ASXL1: variants seen among roughly 807,000 people sequenced by gnomAD.
The protein encoded by ASXL1 is ASXL transcriptional regulator 1.
A neutral mutation model predicts 89.1 loss-of-function variants in ASXL1; 65 were observed. That is an observed-to-expected ratio of 0.73 (90% confidence interval 0.60 to 0.90). The LOEUF (loss-of-function observed/expected upper bound fraction) is 0.90. ASXL1 is among the 40% of genes least tolerant of loss of function. The pLI, the probability that ASXL1 is intolerant of heterozygous loss-of-function variation, is 0.00. For missense variants in ASXL1, 1,786 were observed against 1,942.9 expected (o/e 0.92, Z 1.52); for synonymous variants, 739 against 746.9 (o/e 0.99, Z 0.17).
intron 12 of ASXL1, chr20:32,434,155 A>C: frequency 1.4e-6 from 1 of 727,994 alleles, no homozygotes; most frequent in South Asian, 1.9e-5. Flanking sequence ...GGGTTTTAAA[A>C]TCTTTTTAAG....
intron 4 of ASXL1, among the ~76,000 whole-genome samples, chr20:32,389,675 T>TA (rs1307711249): frequency 9.2e-5 from 14 of 152,172 alleles, no homozygotes; most frequent in African/African-American, 2.7e-4. Flanking sequence ...AACCTTTACT[T>TA]ACTGGGTTCA....
chr20:32,383,898 C>T (rs1940587481), intron 4 of ASXL1, among the ~76,000 whole-genome samples: 1 of 152,226 alleles, frequency 6.6e-6, no homozygotes, highest in Non-Finnish European at 1.5e-5. Context: ...CCATCACTGT[C>T]TGACATCCTG....
intron 1 of ASXL1, among the ~76,000 whole-genome samples, chr20:32,364,734 G>T (rs770213233): frequency 3.3e-5 from 5 of 152,194 alleles, no homozygotes; most frequent in Non-Finnish European, 7.3e-5. Flanking sequence ...GATGAGGGCA[G>T]GTTTGCTTTG....
chr20:32,377,753 A>G (rs946285099), intron 4 of ASXL1, among the ~76,000 whole-genome samples: 4 of 150,678 alleles, frequency 2.7e-5, no homozygotes, highest in East Asian at 3.9e-4. Context: ...CCCAGGTCCA[A>G]GCGATTCTCT....
chr20:32,372,286 T>G, intron 4 of ASXL1: 1 of 1,237,942 alleles, frequency 8.1e-7, no homozygotes, highest in Non-Finnish European at 1.0e-6. Flanking sequence ...GTCTGAGATG[T>G]GCTAATTGAA....
chr20:32,431,395 C>T lies in ASXL1; in HGVS notation c.793C>T (p.Arg265Cys), dbSNP rs767144159. ...GTCCATTCTTGTCAACACCAACCTCCGTGCCCTGATCAACTCTCGGACCTT... is the reference window on the plus strand; with the variant it reads ...GTCCATTCTTGTCAACACCAACCTCTGTGCCCTGATCAACTCTCGGACCTT... The part of the protein sequence containing the change: ...PGSILVNTNL[R>C]ALINSRTFHA... Residue 265 changes from arginine to cysteine, a missense_variant, in exon 9 of 13, where the codon CGT becomes TGT. Around this residue, in one of 3 missense-constraint regions of ASXL1, gnomAD observed 332 missense variants for 449.7 expected, o/e 0.74. Coordinates refer to ENST00000375687, the MANE Select transcript of ASXL1 (RefSeq NM_015338.6). 2.5e-6 allele frequency: 4 copies of T among 1,614,208 alleles called. No individual in the cohort carries two copies. Among genetic ancestry groups the T allele is most frequent in the South Asian group, 1.1e-5 (1 of 91,082 alleles).
rs1449673135 is a variant in ASXL1 at position 32,429,586 on chromosome 20, T to G, written c.565+155T>G. The G allele has an allele frequency of 1.2e-6, 1 of 845,530 alleles. No individual in the cohort carries two copies. Among genetic ancestry groups the G allele is most frequent in the African/African-American group, 1.7e-5 (1 of 59,380 alleles). The allele number at this position is 845,530 out of a possible 1,614,324, so 52.4% of individuals were successfully genotyped here. A position where few individuals can be genotyped will look rare whatever the true frequency, so the allele number is the denominator to read the frequency against. ...AATGGATGAGGCCTGCCATAGGTTC[T>G]AGTGCTGGGCTCTGCTGTGTGCCTT... On this transcript the variant is annotated intron_variant, in intron 7 of 12. Transcript: ENST00000375687. The surrounding 1 kb of genome is among the most constrained non-coding windows in gnomAD (Gnocchi z 4.9).
Position 32,429,463 on chromosome 20 carries a change from TC to T in ASXL1, c.565+34del. On this transcript the variant is annotated intron_variant, in intron 7 of 12. Coordinates refer to ENST00000375687, the MANE Select transcript of ASXL1 (RefSeq NM_015338.6). This position sits in a 1 kb window ranked among gnomAD's most constrained non-coding sequence, Gnocchi z 4.9. ...GTAAACTCATGGTTGTGATGCTTTT[TC>T]CTCAGGTCCTGGGGACCTGGCCTCC... 1 of 1,604,068 alleles carries T rather than the reference TC, an allele frequency of 6.2e-7. No homozygotes were observed. The highest frequency in any genetic ancestry group is 8.5e-7 in the Non-Finnish European group (1 of 1,170,984).
intron 2 of ASXL1, 87 bp from the exon 3 acceptor site, chr20:32,367,640 T>G (rs1218642748): frequency 1.3e-6 from 1 of 775,424 alleles, no homozygotes; most frequent in Admixed American, 1.7e-5. Flanking sequence ...CACTGTGTAG[T>G]GTTATAATTG....
chr20:32,404,550 G>T (rs1297295851), intron 4 of ASXL1, among the ~76,000 whole-genome samples: 1 of 151,960 alleles, frequency 6.6e-6, no homozygotes, highest in Admixed American at 6.6e-5. Context: ...AGAATCTTTG[G>T]GATTTTCTCT....
chr20:32,388,422 C>T (rs974798116), intron 4 of ASXL1, among the ~76,000 whole-genome samples: 6 of 152,110 alleles, frequency 3.9e-5, no homozygotes, highest in Admixed American at 6.5e-5. Context: ...GTCATCTGCC[C>T]GCCTCAGCCT....
chr20:32,372,885 G>T (rs139955618), intron 4 of ASXL1, among the ~76,000 whole-genome samples: 1 of 150,664 alleles, frequency 6.6e-6, no homozygotes, highest in African/African-American at 2.4e-5. Flanking sequence ...GAGCCACCGC[G>T]CCCAGCCTTC....
rs2011434318 is a variant in ASXL1 at position 32,429,043 on chromosome 20, G to A, written c.472-295G>A. On this transcript the variant is annotated intron_variant, in intron 6 of 12. Coordinates refer to ENST00000375687, the MANE Select transcript of ASXL1 (RefSeq NM_015338.6). The surrounding 1 kb of genome is among the most constrained non-coding windows in gnomAD (Gnocchi z 4.9). The stretch of plus-strand genomic sequence containing the variant: ...GCAGAGTAGAGAGAACAGGAGATTG[G>A]GAGTGAGCAGTTTGAATGATAACCC... 4.8e-6 allele frequency: 2 copies of A among 418,278 alleles called. No homozygotes were observed. The highest frequency in any genetic ancestry group is 4.2e-5 in the South Asian group (2 of 47,932). The allele number at this position is 418,278 out of a possible 1,614,324, so 25.9% of individuals were successfully genotyped here.
At chr20:32,395,352 T>A (rs1328880151) in intron 4 of ASXL1, among the ~76,000 whole-genome samples, 1 of 152,224 alleles carries the variant, frequency 6.6e-6, no homozygotes, top group Non-Finnish European at 1.5e-5. Context: ...CTTGCATTAT[T>A]TCTCCTGTAA....
chr20:32,405,928 G>T (rs1047501643), intron 4 of ASXL1, among the ~76,000 whole-genome samples: 4 of 151,388 alleles, frequency 2.6e-5, no homozygotes, highest in Non-Finnish European at 5.9e-5. Flanking sequence ...TTTGAGATGG[G>T]GTTTTGCTCC....
At chr20:32,412,977 T>C (rs576963833) in intron 4 of ASXL1, among the ~76,000 whole-genome samples, 1 of 152,320 alleles carries the variant, frequency 6.6e-6, no homozygotes, top group Admixed American at 6.5e-5. Flanking sequence ...GTAGTATTTG[T>C]AGTTGCAGAA....
chr20:32,398,693 T>C (rs2048814281), intron 4 of ASXL1, among the ~76,000 whole-genome samples: 2 of 146,482 alleles, frequency 1.4e-5, no homozygotes, highest in Non-Finnish European at 3.0e-5. Flanking sequence ...CACTGCAAGC[T>C]CCACCTGCCG....
chr20:32,426,554 C>CTTTTT (rs1177815042), intron 4 of ASXL1, among the ~76,000 whole-genome samples: 47 of 83,948 alleles, frequency 5.6e-4, no homozygotes, highest in African/African-American at 2.0e-3. Flanking sequence ...TTTTTTCTTT[C>CTTTTT]TTTTTTTTTT....
chr20:32,432,610 C>G, intron 10 of ASXL1: 2 of 412,172 alleles, frequency 4.9e-6, no homozygotes, highest in South Asian at 4.3e-5. Context: ...ATCAGGCCTA[C>G]CTACTATGTT....
Sources: allele counts gnomAD v4.1 joint callset (sites outside exome capture counted in the v4.1 genomes callset), GRCh38; gene constraint gnomAD v4.1.1; regional missense constraint gnomAD v4.1.1; non-coding constraint Gnocchi (gnomAD v3.1); transcripts MANE v1.5; gene names NCBI Gene and HGNC (gene_info 2026-07-23, HGNC 2026-07-21).